The following ZNF41 variants were observed in gnomAD, a reference collection of about 807,000 sequenced individuals.
ZNF41 encodes the protein zinc finger protein 41.
Under a neutral mutation model 9.3 loss-of-function variants are expected in ZNF41, and 6 were observed. The ratio of observed to expected loss-of-function variants is 0.65; its 90% CI spans 0.35 to 1.28. The LOEUF (loss-of-function observed/expected upper bound fraction) is 1.28. Ranked by LOEUF, ZNF41 falls within the 50% of genes most tolerant of loss-of-function variation. The pLI, the probability that ZNF41 is intolerant of heterozygous loss-of-function variation, is 0.03. For synonymous variants in ZNF41, 192 were observed against 207.1 expected (o/e 0.93, Z 0.63); for missense variants, 523 against 585.8 (o/e 0.89, Z 1.11).
chrX:47,448,070 T>C lies in ZNF41; in HGVS notation c.1700A>G (p.Lys567Arg), dbSNP rs188241859. 235 of 1,209,823 alleles carry C rather than the reference T, an allele frequency of 1.9e-4. 1 individual carries two copies. In the East Asian group the frequency reaches 6.6e-3, roughly 34 times the overall value. Reference protein sequence around the residue: ...GKAFIWKSRLKIHQKSHIGER... With the variant: ...GKAFIWKSRLRIHQKSHIGER... The stretch of plus-strand genomic sequence containing the variant: ...TCCAATATGAGATTTCTGATGTATT[T>C]TGAGGCGCGACTTCCATATGAAGGC... The change falls in exon 5 of 5, where the codon AAA becomes AGA. Residue 567 changes from lysine to arginine, a missense_variant. Lys to Arg is a conservative substitution (Grantham distance 26, BLOSUM62 2). Transcript: ENST00000684689.
At position 47,448,284 on chromosome X, in the gene ZNF41, T is replaced by C; in HGVS notation, c.1486A>G (p.Ile496Val). Residue 496 changes from isoleucine (I) to valine (V), a missense_variant, in exon 5 of 5, where the codon ATA becomes GTA. By Grantham distance (29) the Ile-to-Val change is conservative. Transcript: ENST00000684689. Reference sequence around the variant, plus strand: ...AAGACCTTTCCACATTCTGTACATATATAGGGTTTCTCTCCGGTGTGAATT... The same window carrying C: ...AAGACCTTTCCACATTCTGTACATACATAGGGTTTCTCTCCGGTGTGAATT... ...QRIHTGEKPY[I>V]CTECGKVFTH... 1.7e-6 allele frequency: 2 copies of C among 1,211,248 alleles called. No individual in the cohort carries two copies. The highest frequency in any genetic ancestry group is 1.8e-5 in the South Asian group (1 of 56,963).
intron 1 of ZNF41, 91 bp from the exon 2 acceptor site, chrX:47,467,851 G>A: frequency 4.3e-6 from 1 of 232,971 alleles, no homozygotes; most frequent in South Asian, 7.9e-5. Flanking sequence ...AATGAATGAG[G>A]GTTTGTATTT....
In ZNF41 at chrX:47,446,170, A is replaced by G. The variant is rs771877042; in HGVS notation, c.*1260T>C. The G allele has an allele frequency of 3.6e-5, 4 of 112,096 alleles. No individual in the cohort carries two copies. The East Asian group carries it at 1.1e-3, about 31-fold the overall frequency. The allele number at this position is 112,096 out of a possible 1,213,427, so 9.2% of individuals were successfully genotyped here. The stretch of plus-strand genomic sequence containing the variant: ...ATAAAAATACAATTGCATGCTAGAA[A>G]GAAAGTTCCTTTTTATGAGTATTGT... On this transcript the variant is annotated 3_prime_UTR_variant, in exon 5 of 5. Coordinates refer to ENST00000684689, the MANE Select transcript of ZNF41 (RefSeq NM_001324144.2).
At chrX:47,473,636 G>A (rs1423817888) in intron 1 of ZNF41, among the ~76,000 whole-genome samples, 1 of 111,894 alleles carries the variant, frequency 8.9e-6, no homozygotes, top group African/African-American at 3.2e-5. Flanking sequence ...AGGAACTCAG[G>A]AAATTTATTT....
chrX:47,449,529 A>G, intron 4 of ZNF41, 55 bp from the exon 5 acceptor site: 2 of 1,157,945 alleles, frequency 1.7e-6, no homozygotes, highest in Non-Finnish European at 2.3e-6. Flanking sequence ...AGCAGAGGCT[A>G]GAGGGGACAT....
intron 3 of ZNF41, 52 bp downstream of exon 3, chrX:47,456,220 G>A: frequency 8.3e-7 from 1 of 1,203,609 alleles, no homozygotes; most frequent in Non-Finnish European, 1.1e-6. Flanking sequence ...GCACTCAGCA[G>A]CCAAGAATGG....
chrX:47,463,743 C>T (rs1028398138), intron 2 of ZNF41, among the ~76,000 whole-genome samples: 16 of 111,395 alleles, frequency 1.4e-4, no homozygotes, highest in Non-Finnish European at 2.4e-4. Flanking sequence ...TCCAGGTGTT[C>T]CACAGTACTC....
intron 1 of ZNF41, among the ~76,000 whole-genome samples, chrX:47,468,857 C>A (rs778734319): frequency 1.8e-5 from 2 of 111,124 alleles, no homozygotes; most frequent in East Asian, 5.6e-4. Context: ...AGAACCAACA[C>A]GTCATTTACA....
chrX:47,461,925 T>C (rs1436744010), intron 2 of ZNF41, among the ~76,000 whole-genome samples: 2 of 104,119 alleles, frequency 1.9e-5, no homozygotes, highest in Non-Finnish European at 3.9e-5. Context: ...TGCAGGAGGG[T>C]GTCTCACAGT....
intron 4 of ZNF41, 79 bp downstream of exon 4, chrX:47,455,842 G>T: frequency 1.1e-6 from 1 of 946,321 alleles, no homozygotes; most frequent in Non-Finnish European, 1.5e-6. Context: ...TCTTCAGAGT[G>T]TTTCAAAGGC....
chrX:47,464,173 C>T (rs757362706), intron 2 of ZNF41, among the ~76,000 whole-genome samples: 2 of 111,684 alleles, frequency 1.8e-5, no homozygotes, highest in African/African-American at 6.5e-5. Context: ...CTTTAACCCT[C>T]GGCTCTTCCC....
At chrX:47,481,458 G>A (rs1242716914) in intron 1 of ZNF41, among the ~76,000 whole-genome samples, 2 of 110,046 alleles carry the variant, frequency 1.8e-5, no homozygotes, top group Non-Finnish European at 3.8e-5. Context: ...AAATCAGCCT[G>A]GGCAACATAG....
chrX:47,457,795 C>T (rs1448164646), intron 2 of ZNF41, among the ~76,000 whole-genome samples: 1 of 112,164 alleles, frequency 8.9e-6, no homozygotes, highest in Non-Finnish European at 1.9e-5. Flanking sequence ...TGAGATCACG[C>T]CACTGCACTC....
rs1223106486 is a variant in ZNF41, at chrX:47,456,315, G to A, written c.156C>T (p.Tyr52=). The change falls in exon 3 of 5, where the codon TAC becomes TAT. Residue 52 remains tyrosine (Y), a synonymous_variant. Coordinates refer to ENST00000684689, the MANE Select transcript of ZNF41 (RefSeq NM_001324144.2). ...TGTAGTTCTCTAGTGTCACATCCCA[G>A]TACAGGCGTCTCTGGGCAGGGTCCA... ...QHLDPAQRRL[Y]WDVTLENYSH... 1 of 1,211,069 alleles carries A rather than the reference G, an allele frequency of 8.3e-7. No individual in the cohort carries two copies. Among genetic ancestry groups the A allele is most frequent in the Admixed American group, 2.2e-5 (1 of 45,909 alleles).
chrX:47,467,811 C>G (rs1466444555), intron 1 of ZNF41, 51 bp from the exon 2 acceptor site: 4 of 294,721 alleles, frequency 1.4e-5, no homozygotes, highest in Non-Finnish European at 2.4e-5. Context: ...TAAAGCAAAA[C>G]ATGGGGAAAA....
intron 4 of ZNF41, among the ~76,000 whole-genome samples, chrX:47,450,599 C>A (rs966574966): frequency 8.9e-6 from 1 of 111,809 alleles, no homozygotes; most frequent in African/African-American, 3.2e-5. Flanking sequence ...GCAGAATCTG[C>A]AGGCCCTCCC....
intron 1 of ZNF41, among the ~76,000 whole-genome samples, chrX:47,476,628 C>G (rs1428819475): frequency 9.0e-6 from 1 of 111,184 alleles, no homozygotes; most frequent in African/African-American, 3.3e-5. Flanking sequence ...CCACTTCACA[C>G]CTACTAGGAA....
intron 1 of ZNF41, among the ~76,000 whole-genome samples, chrX:47,473,708 A>G (rs2057257593): frequency 8.9e-6 from 1 of 112,293 alleles, no homozygotes; most frequent in African/African-American, 3.2e-5. Flanking sequence ...CACATTTAGA[A>G]CTGGTACCTT....
chrX:47,469,618 G>A (rs1264314367), intron 1 of ZNF41, among the ~76,000 whole-genome samples: 2 of 111,849 alleles, frequency 1.8e-5, no homozygotes, highest in East Asian at 2.8e-4. Context: ...CATGACTCAC[G>A]CCTGTAATTC....
Sources: allele counts gnomAD v4.1 joint callset (sites outside exome capture counted in the v4.1 genomes callset), GRCh38; gene constraint gnomAD v4.1.1; transcripts MANE v1.5; gene names NCBI Gene and HGNC (gene_info 2026-07-23, HGNC 2026-07-21).